The following TMEM132D variants were observed in gnomAD, a reference collection of about 807,000 sequenced individuals.
TMEM132D encodes mature OL transmembrane protein.
TMEM132D carries 21 observed loss-of-function variants against 62.3 expected under a neutral mutation model. That is an observed-to-expected ratio of 0.34 (90% CI 0.24 to 0.49). The LOEUF is 0.49. TMEM132D is among the 20% of genes least tolerant of loss of function. The probability of loss-of-function intolerance (pLI) is 0.99; values close to 1 mark genes in which losing one functional copy is unlikely to be tolerated. For missense variants in TMEM132D, 1,346 were observed against 1,402.8 expected, an observed-to-expected ratio of 0.96 and a Z score of 0.65; for synonymous variants, 621 against 575.6, an observed-to-expected ratio of 1.08 and a Z score of -1.13.
intron 3 of TMEM132D, among the ~76,000 whole-genome samples, chr12:129,419,623 T>C (rs1382477312): frequency 1.3e-5 from 2 of 152,226 alleles, no homozygotes; most frequent in African/African-American, 4.8e-5. Context: ...CATAAGCTAA[T>C]AATATAATTC....
At chr12:129,358,087 T>C (rs541475344) in intron 3 of TMEM132D, among the ~76,000 whole-genome samples, 1 of 152,326 alleles carries the variant, frequency 6.6e-6, no homozygotes, top group South Asian at 2.1e-4. Flanking sequence ...GAGATTTTTG[T>C]CATCATAAAT....
intron 4 of TMEM132D, among the ~76,000 whole-genome samples, chr12:129,297,598 G>C (rs1219995456): frequency 6.6e-6 from 1 of 152,106 alleles, no homozygotes; most frequent in Non-Finnish European, 1.5e-5. Flanking sequence ...TAAGGTGCTC[G>C]GGAGAGAATC....
At chr12:129,420,306 G>GTTTTGT (rs1872267935) in intron 3 of TMEM132D, among the ~76,000 whole-genome samples, 1 of 112,300 alleles carries the variant, frequency 8.9e-6, no homozygotes, top group African/African-American at 4.0e-5. Flanking sequence ...CACGTTCTCT[G>GTTTTGT]TTTTTTTTTT....
At chr12:129,671,070 T>G (rs1880489294) in intron 2 of TMEM132D, among the ~76,000 whole-genome samples, 2 of 152,324 alleles carry the variant, frequency 1.3e-5, no homozygotes, top group South Asian at 2.1e-4. Context: ...CACTAAAAAC[T>G]TCCTTTGGCA....
At chr12:129,747,723 C>T (rs926227539) in intron 1 of TMEM132D, among the ~76,000 whole-genome samples, 3 of 150,410 alleles carry the variant, frequency 2.0e-5, no homozygotes, top group African/African-American at 7.3e-5. Context: ...CAGACATACA[C>T]ACAGACACAC....
At chr12:129,829,794 T>A (rs1872773993) in intron 1 of TMEM132D, among the ~76,000 whole-genome samples, 1 of 152,086 alleles carries the variant, frequency 6.6e-6, no homozygotes, top group Non-Finnish European at 1.5e-5. Flanking sequence ...TCTGAAATCA[T>A]CCAAAGCCAA....
intron 3 of TMEM132D, among the ~76,000 whole-genome samples, chr12:129,352,718 C>A (rs1209114871): frequency 6.6e-6 from 1 of 152,166 alleles, no homozygotes; most frequent in Non-Finnish European, 1.5e-5. Context: ...GAGATACCAT[C>A]TCATGCCAGT....
chr12:129,188,119 T>C (rs1040727742), intron 5 of TMEM132D, among the ~76,000 whole-genome samples: 2 of 152,088 alleles, frequency 1.3e-5, no homozygotes, highest in African/African-American at 4.8e-5. Context: ...CCAACAAGAG[T>C]TGAAGACTGT....
chr12:129,843,088 G>A (rs1372525685), intron 1 of TMEM132D, among the ~76,000 whole-genome samples: 5 of 152,054 alleles, frequency 3.3e-5, no homozygotes, highest in African/African-American at 4.8e-5. Flanking sequence ...ACAATGTTAC[G>A]AATATAGTAT....
chr12:129,569,506 A>T (rs1877454201), intron 2 of TMEM132D, among the ~76,000 whole-genome samples: 1 of 152,196 alleles, frequency 6.6e-6, no homozygotes, highest in African/African-American at 2.4e-5. Flanking sequence ...CTCAGTATGA[A>T]GTACATGGTA....
intron 5 of TMEM132D, among the ~76,000 whole-genome samples, chr12:129,144,188 G>GC (rs1187609178): frequency 1.3e-5 from 2 of 151,944 alleles, no homozygotes; most frequent in Admixed American, 1.3e-4. Flanking sequence ...TGAAGGTTAA[G>GC]CCCCAAACCG....
At chr12:129,817,988 G>T (rs115671773) in intron 1 of TMEM132D, among the ~76,000 whole-genome samples, 1,598 of 142,886 alleles carry the variant, frequency 0.011, 19 homozygotes, top group African/African-American at 0.038. Flanking sequence ...TGTGGTGTGT[G>T]TGTGGTGTAA....
At chr12:129,810,635 A>C (rs1189017873) in intron 1 of TMEM132D, among the ~76,000 whole-genome samples, 1 of 152,170 alleles carries the variant, frequency 6.6e-6, no homozygotes, top group Admixed American at 6.5e-5. Flanking sequence ...CCAAAATACC[A>C]GTGCAAAGAT....
At chr12:129,189,310 C>T (rs181546126) in intron 5 of TMEM132D, among the ~76,000 whole-genome samples, 4 of 152,272 alleles carry the variant, frequency 2.6e-5, no homozygotes, top group East Asian at 3.9e-4. Flanking sequence ...GTACCAGATG[C>T]TGCCTGGAGA....
chr12:129,416,758 G>A (rs923668294), intron 3 of TMEM132D, among the ~76,000 whole-genome samples: 18 of 152,148 alleles, frequency 1.2e-4, no homozygotes, highest in Non-Finnish European at 2.4e-4. Context: ...ATGAAGGGAT[G>A]TTGAATTTTA....
chr12:129,133,815 G>T (rs1427322019), intron 5 of TMEM132D, among the ~76,000 whole-genome samples: 1 of 152,200 alleles, frequency 6.6e-6, no homozygotes, highest in Non-Finnish European at 1.5e-5. Context: ...GTCAGGAATG[G>T]GCAACTTAGG....
intron 1 of TMEM132D, among the ~76,000 whole-genome samples, chr12:129,714,679 T>C (rs1868507799): frequency 6.6e-6 from 1 of 152,252 alleles, no homozygotes; most frequent in South Asian, 2.1e-4. Context: ...CATCACACTG[T>C]ACATTGTAAA....
chr12:129,107,120 A>C (rs1367773785), intron 5 of TMEM132D, among the ~76,000 whole-genome samples: 1 of 152,176 alleles, frequency 6.6e-6, no homozygotes, highest in Non-Finnish European at 1.5e-5. Context: ...GAATGGATAA[A>C]AGTGAGAATT....
intron 2 of TMEM132D, among the ~76,000 whole-genome samples, chr12:129,636,565 TTCAG>T (rs1565931245): frequency 2.0e-5 from 3 of 152,200 alleles, no homozygotes; most frequent in South Asian, 2.1e-4. Context: ...AAGGGATTCA[TTCAG>T]TCAGTTGGGG....
Sources: gnomAD v4.1 joint callset for allele counts (sites outside exome capture counted in the v4.1 genomes callset) on GRCh38, gnomAD v4.1.1 for gene constraint, MANE v1.5 for transcripts, NCBI Gene and HGNC (gene_info 2026-07-23, HGNC 2026-07-21) for gene names.